The following TMEM272 variants were observed in gnomAD, a reference collection of about 807,000 sequenced individuals.
The protein encoded by TMEM272 is transmembrane protein 272.
In TMEM272, 8 loss-of-function variants were observed where a neutral mutation model predicts 3.7. The ratio of observed to expected loss-of-function variants is 2.17; its 90% CI spans 1.27 to 3.91. The LOEUF (loss-of-function observed/expected upper bound fraction) is 3.91. Among genes scored for constraint, TMEM272 ranks in the 30% most tolerant of loss-of-function variants. TMEM272 has a pLI of 0.00. For missense variants in TMEM272, 166 were observed against 91.5 expected (o/e 1.81, Z -3.32); for synonymous variants, 63 against 39.8 (o/e 1.58, Z -2.20).
the TMEM272 span, among the ~76,000 whole-genome samples, chr13:51,915,675 A>G: frequency 6.6e-6 from 1 of 152,208 alleles, no homozygotes; most frequent in South Asian, 2.1e-4. Flanking sequence ...AGTCATTCCT[A>G]TACAGGGAGC....
At chr13:51,832,104 G>A (rs1355866758) in intron 2 of TMEM272, among the ~76,000 whole-genome samples, 1 of 152,198 alleles carries the variant, frequency 6.6e-6, no homozygotes, top group Non-Finnish European at 1.5e-5. Context: ...GCCCTCCTCA[G>A]GGTGGCTTTT....
upstream of TMEM272, among the ~76,000 whole-genome samples, chr13:51,846,444 TAAAAG>T (rs1322572038): frequency 6.6e-6 from 1 of 152,222 alleles, no homozygotes; most frequent in Non-Finnish European, 1.5e-5. Context: ...GCCAATCACA[TAAAAG>T]TAAAGTACAT....
the TMEM272 span, among the ~76,000 whole-genome samples, chr13:51,864,310 A>G: frequency 6.6e-6 from 1 of 151,986 alleles, no homozygotes; most frequent in Non-Finnish European, 1.5e-5. Context: ...TCAAGTACTC[A>G]CCTAATCACA....
At chr13:51,835,185 T>C (rs1236740079) in intron 2 of TMEM272, among the ~76,000 whole-genome samples, 2 of 152,032 alleles carry the variant, frequency 1.3e-5, no homozygotes, top group African/African-American at 4.8e-5. Flanking sequence ...ATCTGAAGAT[T>C]GTTCTTAAAA....
chr13:51,848,612 G>A (rs1956317719), upstream of TMEM272, among the ~76,000 whole-genome samples: 1 of 152,182 alleles, frequency 6.6e-6, no homozygotes, highest in Non-Finnish European at 1.5e-5. Flanking sequence ...TGATGCAAAA[G>A]AGTAGTGAGT....
At chr13:51,890,055 G>A in the TMEM272 span, among the ~76,000 whole-genome samples, 1 of 152,200 alleles carries the variant, frequency 6.6e-6, no homozygotes, top group Non-Finnish European at 1.5e-5. Flanking sequence ...TGGGAGTGCT[G>A]AGCAACACTG....
At chr13:51,888,649 T>C in the TMEM272 span, among the ~76,000 whole-genome samples, 1 of 131,350 alleles carries the variant, frequency 7.6e-6, no homozygotes, top group East Asian at 2.2e-4. Flanking sequence ...CTTTTTTTTT[T>C]TTTTTTTTTT....
upstream of TMEM272, among the ~76,000 whole-genome samples, chr13:51,847,571 G>T (rs538315667): frequency 6.6e-6 from 1 of 152,174 alleles, no homozygotes; most frequent in African/African-American, 2.4e-5. Flanking sequence ...CAAAATTGCC[G>T]AATGTCACAT....
chr13:51,842,593 C>A (rs1376573638), intron 1 of TMEM272, among the ~76,000 whole-genome samples: 2 of 152,174 alleles, frequency 1.3e-5, no homozygotes, highest in African/African-American at 4.8e-5. Context: ...TTATAAACAA[C>A]TGCAGAACTT....
intron 3 of TMEM272, among the ~76,000 whole-genome samples, chr13:51,824,551 G>A (rs1333366907): frequency 1.3e-5 from 2 of 152,092 alleles, no homozygotes; most frequent in African/African-American, 2.4e-5. Flanking sequence ...CCCTCTTTCC[G>A]CAGTGGATGT....
upstream of TMEM272, among the ~76,000 whole-genome samples, chr13:51,846,022 G>A (rs74549055): frequency 0.017 from 2,517 of 152,306 alleles, 83 homozygotes; most frequent in East Asian, 0.12. Flanking sequence ...GGAGGGACTG[G>A]TGTGAGGCAA....
chr13:51,859,056 G>T, the TMEM272 span, among the ~76,000 whole-genome samples: 23 of 152,004 alleles, frequency 1.5e-4, no homozygotes, highest in South Asian at 8.3e-4. Flanking sequence ...CATCCTCAAA[G>T]AATTTTTACT....
the TMEM272 span, among the ~76,000 whole-genome samples, chr13:51,913,090 T>C: frequency 6.6e-6 from 1 of 152,190 alleles, no homozygotes; most frequent in Non-Finnish European, 1.5e-5. Context: ...GCAAACTGCA[T>C]TCTCAGGGTT....
chr13:51,871,033 A>G, the TMEM272 span, among the ~76,000 whole-genome samples: 1 of 151,198 alleles, frequency 6.6e-6, no homozygotes, highest in Non-Finnish European at 1.5e-5. Context: ...CTCCTCCCCA[A>G]CTCCCGCCTG....
At chr13:51,851,759 G>C in the TMEM272 span, among the ~76,000 whole-genome samples, 2 of 152,170 alleles carry the variant, frequency 1.3e-5, no homozygotes, top group Admixed American at 6.5e-5. Context: ...TCCTGACCTT[G>C]TGATCTGCCT....
At chr13:51,917,744 G>A in the TMEM272 span, among the ~76,000 whole-genome samples, 1 of 152,122 alleles carries the variant, frequency 6.6e-6, no homozygotes, top group South Asian at 2.1e-4. Context: ...TGCATTGATG[G>A]GGCTTAAACG....
At chr13:51,839,097 G>A (rs1956239763) in intron 1 of TMEM272, among the ~76,000 whole-genome samples, 1 of 151,936 alleles carries the variant, frequency 6.6e-6, no homozygotes, top group Non-Finnish European at 1.5e-5. Flanking sequence ...ACTCCCCAGG[G>A]TCCAAGCGGA....
rs910402343 is a variant in TMEM272, at chr13:51,813,599, G to A, written c.*3152C>T. 5 of 232,006 alleles carry A rather than the reference G, an allele frequency of 2.2e-5. No individual in the cohort carries two copies. The highest frequency in any genetic ancestry group is 3.3e-5 in the Non-Finnish European group (4 of 120,774). 14.4% of individuals were successfully genotyped at this position (232,006 alleles called of 1,614,324 possible). On this transcript the variant is annotated 3_prime_UTR_variant, in exon 5 of 5. Transcript: ENST00000629372. ...CACACATGCGGTTTCTCTGGCCACC[G>A]AATCAGAACCAGCTGGGCCCCACAA...
At chr13:51,842,732 T>C (rs536737720) in intron 1 of TMEM272, among the ~76,000 whole-genome samples, 2 of 152,368 alleles carry the variant, frequency 1.3e-5, no homozygotes, top group South Asian at 2.1e-4. Flanking sequence ...CATTTTGACA[T>C]AAGCATTCTT....
Sources: gnomAD v4.1 joint callset for allele counts (sites outside exome capture counted in the v4.1 genomes callset) on GRCh38, gnomAD v4.1.1 for gene constraint, MANE v1.5 for transcripts, NCBI Gene and HGNC (gene_info 2026-07-23, HGNC 2026-07-21) for gene names.